AFF3: variants seen among roughly 807,000 people sequenced by gnomAD.
The protein encoded by AFF3 is AF4/FMR2 family member 3.
In AFF3, 32 loss-of-function variants were observed where a neutral mutation model predicts 129.7. That is an observed-to-expected ratio of 0.25 (90% CI 0.19 to 0.33). The LOEUF (loss-of-function observed/expected upper bound fraction) is 0.33, where lower values mean the gene tolerates loss of function less well. Among genes scored for constraint, AFF3 ranks in the 10% least tolerant of loss-of-function variants. AFF3 has a pLI of 1.00. For synonymous variants in AFF3, 644 were observed against 635.4 expected, an observed-to-expected ratio of 1.01 and a Z score of -0.20; for missense variants, 1,373 against 1,592.0, an observed-to-expected ratio of 0.86 and a Z score of 2.34.
At chr2:99,737,409 C>T (rs531613249) in intron 10 of AFF3, among the ~76,000 whole-genome samples, 1 of 150,830 alleles carries the variant, frequency 6.6e-6, no homozygotes, top group African/African-American at 2.4e-5. Context: ...GCATACTTTC[C>T]CAGCTTTTGT....
chr2:99,981,588 A>C (rs967568885), intron 7 of AFF3, among the ~76,000 whole-genome samples: 2 of 152,142 alleles, frequency 1.3e-5, no homozygotes, highest in Admixed American at 1.3e-4. Context: ...TGACAATGAT[A>C]TTTTTATTTG....
At chr2:100,000,619 G>A (rs1573063897) in intron 7 of AFF3, among the ~76,000 whole-genome samples, 1 of 152,098 alleles carries the variant, frequency 6.6e-6, no homozygotes, top group Non-Finnish European at 1.5e-5. Flanking sequence ...TAACAGAAAT[G>A]TAGCCAATAT....
intron 2 of AFF3, among the ~76,000 whole-genome samples, chr2:100,119,301 GC>G (rs1366795848): frequency 6.6e-6 from 1 of 152,170 alleles, no homozygotes; most frequent in East Asian, 1.9e-4. Context: ...TGTTGTTACA[GC>G]CCTACTTTAA....
At chr2:99,624,499 G>C in intron 13 of AFF3, among the ~76,000 whole-genome samples, 1 of 152,144 alleles carries the variant, frequency 6.6e-6, no homozygotes, top group Non-Finnish European at 1.5e-5. Context: ...ATAACCAAGG[G>C]AGTAATGGTG....
At chr2:100,092,841 G>A (rs62149348) in intron 4 of AFF3, among the ~76,000 whole-genome samples, 19,895 of 150,682 alleles carry the variant, frequency 0.13, 1,413 homozygotes, top group African/African-American at 0.16. Context: ...GGGTACCCCC[G>A]TACATACTCC....
chr2:99,630,930 G>A, intron 13 of AFF3: 1 of 393,890 alleles, frequency 2.5e-6, no homozygotes, highest in South Asian at 2.0e-5. Context: ...TAGAAGAAGT[G>A]ACGTAGCAGA....
intron 8 of AFF3, among the ~76,000 whole-genome samples, chr2:99,806,958 G>T (rs932814768): frequency 6.6e-6 from 1 of 152,160 alleles, no homozygotes; most frequent in African/African-American, 2.4e-5. Context: ...TGGTTTATCA[G>T]GAGTTGATCA....
At chr2:100,079,921 G>C (rs2105349112) in intron 4 of AFF3, among the ~76,000 whole-genome samples, 3 of 152,272 alleles carry the variant, frequency 2.0e-5, no homozygotes, top group Middle Eastern at 6.8e-3. Flanking sequence ...CATGAAGACA[G>C]AACTTCCTGA....
At chr2:99,761,968 C>T (rs1682639413) in intron 8 of AFF3, among the ~76,000 whole-genome samples, 3 of 151,984 alleles carry the variant, frequency 2.0e-5, no homozygotes, top group Non-Finnish European at 4.4e-5. Flanking sequence ...TTGTCCTGCC[C>T]CAGGCTTTCC....
intron 4 of AFF3, among the ~76,000 whole-genome samples, chr2:100,047,074 A>G (rs141924080): frequency 1.3e-5 from 2 of 152,340 alleles, no homozygotes; most frequent in African/African-American, 4.8e-5. Context: ...TTTAAATGTA[A>G]ATTAATTAAA....
intron 4 of AFF3, among the ~76,000 whole-genome samples, chr2:100,050,081 A>G (rs1272543033): frequency 6.6e-6 from 1 of 151,778 alleles, no homozygotes; most frequent in Non-Finnish European, 1.5e-5. Context: ...GCATGGTGGC[A>G]TGCGCCTGTA....
intron 1 of AFF3, among the ~76,000 whole-genome samples, chr2:100,130,812 C>T (rs900639873): frequency 2.6e-5 from 4 of 152,236 alleles, no homozygotes; most frequent in Admixed American, 6.5e-5. Flanking sequence ...GACAGAGACA[C>T]TAGCAGTACC....
Position 99,624,545 on chromosome 2 carries a change from A to T in AFF3, c.1185-22924T>A, listed in dbSNP as rs551333047. 4.6e-5 allele frequency among the ~76,000 whole-genome samples: 7 copies of T among 152,302 alleles called. No homozygotes were observed. The East Asian group carries it at 1.3e-3, about 29-fold the overall frequency. ...GAGCTTGAAAGAAAGTGTCACCCAC[A>T]CGCAGCCCCATTAATAAGAGCCTCG... is the stretch of plus-strand genomic sequence containing the variant. On this transcript the variant is annotated intron_variant, in intron 13 of 24. Transcript: ENST00000672756.
At chr2:99,910,837 G>T (rs565211814) in intron 7 of AFF3, among the ~76,000 whole-genome samples, 2 of 152,386 alleles carry the variant, frequency 1.3e-5, no homozygotes, top group South Asian at 4.1e-4. Context: ...TAAGATATAT[G>T]TGATCATTTC....
At chr2:99,880,484 G>A (rs1003601559) in intron 7 of AFF3, among the ~76,000 whole-genome samples, 2 of 152,202 alleles carry the variant, frequency 1.3e-5, no homozygotes, top group Non-Finnish European at 2.9e-5. Context: ...TTCTGAGGTG[G>A]TGGGTGGAAA....
At chr2:99,853,309 T>C (rs1690282789) in intron 7 of AFF3, among the ~76,000 whole-genome samples, 1 of 152,202 alleles carries the variant, frequency 6.6e-6, no homozygotes, top group Admixed American at 6.5e-5. Flanking sequence ...TTTGAGTACC[T>C]TTTCTTTCCA....
chr2:99,852,113 GA>G (rs1030569036), intron 7 of AFF3, among the ~76,000 whole-genome samples: 1 of 151,880 alleles, frequency 6.6e-6, no homozygotes, highest in African/African-American at 2.4e-5. Flanking sequence ...CATTTAAAAA[GA>G]AAAAAATATA....
intron 4 of AFF3, among the ~76,000 whole-genome samples, chr2:100,034,659 C>T (rs774070401): frequency 5.3e-5 from 8 of 151,904 alleles, no homozygotes; most frequent in Non-Finnish European, 1.2e-4. Context: ...TTCTAAATTA[C>T]ACTTTACATA....
intron 4 of AFF3, among the ~76,000 whole-genome samples, chr2:100,062,935 A>G (rs1687412548): frequency 2.0e-5 from 3 of 152,122 alleles, no homozygotes. Context: ...AAAAATAAAT[A>G]AGTAACAAGT....
Sources: gnomAD v4.1 joint callset for allele counts (sites outside exome capture counted in the v4.1 genomes callset) on GRCh38, gnomAD v4.1.1 for gene constraint, MANE v1.5 for transcripts, NCBI Gene and HGNC (gene_info 2026-07-23, HGNC 2026-07-21) for gene names.